Variants in ATG10 observed in about 807,000 individuals in gnomAD.
The protein encoded by ATG10 is autophagy related 10.
ATG10 carries 30 observed loss-of-function variants against 32.1 expected under a neutral mutation model. The observed-to-expected ratio is 0.94, with a 90% CI of 0.70 to 1.27. The LOEUF is 1.27. Among genes scored for constraint, ATG10 ranks in the 50% most tolerant of loss-of-function variants. The pLI, the probability that ATG10 is intolerant of heterozygous loss-of-function variation, is 0.00. For missense variants in ATG10, 233 were observed against 262.3 expected, an observed-to-expected ratio of 0.89 and a Z score of 0.77; for synonymous variants, 87 against 91.5, an observed-to-expected ratio of 0.95 and a Z score of 0.28.
chr5:82,024,987 A>G (rs756417913), intron 2 of ATG10, among the ~76,000 whole-genome samples: 12 of 152,180 alleles, frequency 7.9e-5, no homozygotes, highest in Non-Finnish European at 1.2e-4. Flanking sequence ...GAGAAAATTG[A>G]GTTGTGTACT....
chr5:82,198,520 A>G (rs1187347705), intron 5 of ATG10, among the ~76,000 whole-genome samples: 1 of 152,178 alleles, frequency 6.6e-6, no homozygotes, highest in Non-Finnish European at 1.5e-5. Context: ...CCAGCCTCCC[A>G]AAGTGCTGGG....
chr5:82,150,412 C>A (rs998661240), intron 3 of ATG10, among the ~76,000 whole-genome samples: 6 of 152,166 alleles, frequency 3.9e-5, no homozygotes, highest in African/African-American at 1.2e-4. Flanking sequence ...GCAAATAATT[C>A]TTTGCCATTA....
chr5:82,219,023 G>A (rs1745812784), intron 5 of ATG10, among the ~76,000 whole-genome samples: 1 of 152,212 alleles, frequency 6.6e-6, no homozygotes, highest in African/African-American at 2.4e-5. Flanking sequence ...CGTCGCTAAT[G>A]CTTCTGGGAA....
Position 82,157,438 on chromosome 5 carries a change from G to C in ATG10, c.217-6961G>C, listed in dbSNP as rs1046758878. On this transcript the variant is annotated intron_variant, in intron 3 of 7. Transcript: ENST00000282185. Reference sequence around the variant, plus strand: ...AGTTGCTAAAAGAATTACGTTGCTTGCAAAGGTTCTTGTGACAGTCACTTA... The same window carrying C: ...AGTTGCTAAAAGAATTACGTTGCTTCCAAAGGTTCTTGTGACAGTCACTTA... Among the ~76,000 whole-genome samples the C allele has an allele frequency of 2.7e-5, 4 of 149,864 alleles. No individual in the cohort carries two copies. The East Asian group carries it at 7.8e-4, about 29-fold the overall frequency.
At chr5:81,989,691 C>T (rs1421518072) in intron 2 of ATG10, among the ~76,000 whole-genome samples, 4 of 151,992 alleles carry the variant, frequency 2.6e-5, no homozygotes, top group African/African-American at 9.7e-5. Context: ...CTCCGCTTCC[C>T]GGGTTCAGCC....
chr5:82,027,443 A>T (rs958850639), intron 2 of ATG10, among the ~76,000 whole-genome samples: 1 of 152,152 alleles, frequency 6.6e-6, no homozygotes, highest in Non-Finnish European at 1.5e-5. Flanking sequence ...TAAATCACAC[A>T]TGAGTATATG....
At chr5:81,975,473 G>T (rs1760842397) in intron 1 of ATG10, among the ~76,000 whole-genome samples, 1 of 152,190 alleles carries the variant, frequency 6.6e-6, no homozygotes, top group South Asian at 2.1e-4. Flanking sequence ...CTGAGCTGAG[G>T]AGTTTGAGAC....
In ATG10 at chr5:81,972,319, C is replaced by A; in HGVS notation, c.-13+13C>A. ...CGAGCGGAGAGGGGTGAGTATTCCC[C>A]ACAGCCCTTGCCGGTTGTCTCCTCC... On this transcript the variant is annotated intron_variant, in intron 1 of 7. Transcript: ENST00000282185. 6.6e-6 allele frequency: 1 copy of A among 152,420 alleles called. No homozygotes were observed. Among genetic ancestry groups the A allele is most frequent in the Non-Finnish European group, 1.5e-5 (1 of 68,282 alleles). The allele number at this position is 152,420 out of a possible 1,614,324, so 9.4% of individuals were successfully genotyped here.
chr5:81,992,947 G>T (rs1219097305), intron 2 of ATG10, among the ~76,000 whole-genome samples: 2 of 152,120 alleles, frequency 1.3e-5, no homozygotes, highest in Non-Finnish European at 2.9e-5. Flanking sequence ...TTCAGTGAGG[G>T]TGGAATGCTC....
intron 3 of ATG10, among the ~76,000 whole-genome samples, chr5:82,100,316 C>G: frequency 6.6e-6 from 1 of 152,000 alleles, no homozygotes; most frequent in East Asian, 1.9e-4. Flanking sequence ...CCAGTGATTT[C>G]TTTTTTCTAA....
intron 2 of ATG10, among the ~76,000 whole-genome samples, chr5:81,993,335 CCT>C (rs1761523347): frequency 1.5e-5 from 1 of 68,798 alleles, no homozygotes; most frequent in Admixed American, 1.8e-4. Context: ...TTCCTTCCTT[CCT>C]TCTTTCTTTC....
intron 3 of ATG10, among the ~76,000 whole-genome samples, chr5:82,101,019 G>T (rs1765254702): frequency 2.0e-5 from 3 of 152,090 alleles, no homozygotes. Context: ...AGATGGTGAG[G>T]AAGCTGAAAA....
chr5:82,208,415 C>G (rs988344878), intron 5 of ATG10, among the ~76,000 whole-genome samples: 1 of 152,140 alleles, frequency 6.6e-6, no homozygotes, highest in Non-Finnish European at 1.5e-5. Context: ...ACAAAATTAA[C>G]TCTTCCAATC....
intron 2 of ATG10, among the ~76,000 whole-genome samples, chr5:81,988,662 G>A (rs1350994017): frequency 6.6e-6 from 1 of 152,086 alleles, no homozygotes; most frequent in Non-Finnish European, 1.5e-5. Flanking sequence ...TTGAACTACT[G>A]ACCTCAAGTG....
At chr5:82,117,962 G>C (rs1025828655) in intron 3 of ATG10, among the ~76,000 whole-genome samples, 9 of 152,006 alleles carry the variant, frequency 5.9e-5, no homozygotes. Context: ...AGTCATGATT[G>C]GGCCATAAGA....
At chr5:82,021,795 C>T (rs551993743) in intron 2 of ATG10, among the ~76,000 whole-genome samples, 6 of 151,938 alleles carry the variant, frequency 3.9e-5, no homozygotes, top group Admixed American at 1.3e-4. Context: ...GAGGCCGAGG[C>T]GGGCGGATCA....
chr5:82,112,911 A>G (rs529274148), intron 3 of ATG10, among the ~76,000 whole-genome samples: 2 of 152,010 alleles, frequency 1.3e-5, no homozygotes, highest in African/African-American at 4.8e-5. Context: ...TTGGGATATC[A>G]GATGTATTTA....
intron 5 of ATG10, among the ~76,000 whole-genome samples, chr5:82,222,791 A>C (rs750072358): frequency 2.6e-5 from 4 of 152,388 alleles, no homozygotes; most frequent in Non-Finnish European, 5.9e-5. Flanking sequence ...TCAGCTGTGC[A>C]GTTGCACAGG....
chr5:82,058,671 A>C, intron 3 of ATG10, 69 bp downstream of exon 3: 1 of 1,038,170 alleles, frequency 9.6e-7, no homozygotes, highest in Non-Finnish European at 1.5e-6. Flanking sequence ...GTATACTTTA[A>C]TGACTCCATC....
Sources: allele counts gnomAD v4.1 joint callset (sites outside exome capture counted in the v4.1 genomes callset), GRCh38; gene constraint gnomAD v4.1.1; transcripts MANE v1.5; gene names NCBI Gene and HGNC (gene_info 2026-07-23, HGNC 2026-07-21).